Variants in TENM2 observed in about 807,000 individuals in gnomAD.
The protein encoded by TENM2 is teneurin transmembrane protein 2.
A neutral mutation model predicts 245.2 loss-of-function variants in TENM2; 52 were observed. That is an observed-to-expected ratio of 0.21 (90% CI 0.17 to 0.27). TENM2 has a LOEUF of 0.27. TENM2 is among the 10% of genes least tolerant of loss of function. TENM2 has a pLI of 1.00. For missense variants in TENM2, 3,046 were observed against 3,666.8 expected, an observed-to-expected ratio of 0.83 and a Z score of 4.37; for synonymous variants, 1,363 against 1,438.9, an observed-to-expected ratio of 0.95 and a Z score of 1.19.
intron 2 of TENM2, among the ~76,000 whole-genome samples, chr5:167,641,142 T>C (rs1779587253): frequency 6.6e-6 from 1 of 151,748 alleles, no homozygotes; most frequent in Non-Finnish European, 1.5e-5. Context: ...AAAATAACTT[T>C]TGTAATTAAT....
chr5:167,418,622 G>A (rs746125433), intron 2 of TENM2, among the ~76,000 whole-genome samples: 61 of 152,254 alleles, frequency 4.0e-4, no homozygotes, highest in South Asian at 4.1e-4. Context: ...GTGACCAACA[G>A]GAAGATATGG....
intron 2 of TENM2, among the ~76,000 whole-genome samples, chr5:167,669,362 A>G (rs190348822): frequency 7.7e-6 from 1 of 130,166 alleles, no homozygotes; most frequent in African/African-American, 3.1e-5. Context: ...TGGTGTATAT[A>G]GTTTTGTTCA....
At chr5:167,719,132 T>C (rs1759455227) in intron 2 of TENM2, among the ~76,000 whole-genome samples, 1 of 152,080 alleles carries the variant, frequency 6.6e-6, no homozygotes, top group South Asian at 2.1e-4. Context: ...CAAAGACAGG[T>C]TGGGAATGTA....
intron 2 of TENM2, among the ~76,000 whole-genome samples, chr5:167,847,272 C>T (rs1770134702): frequency 6.6e-6 from 1 of 152,184 alleles, no homozygotes; most frequent in African/African-American, 2.4e-5. Context: ...CTTTATCCCA[C>T]ATAAATGTCT....
the TENM2 span, among the ~76,000 whole-genome samples, chr5:167,090,400 A>G: frequency 2.0e-5 from 3 of 152,200 alleles, no homozygotes; most frequent in Admixed American, 2.0e-4. Context: ...AATTTCTATG[A>G]ATTGGGTAAC....
chr5:167,447,552 G>C (rs142397971), intron 2 of TENM2, among the ~76,000 whole-genome samples: 9 of 152,076 alleles, frequency 5.9e-5, no homozygotes, highest in African/African-American at 2.2e-4. Context: ...GATCTCTTAC[G>C]TGAGGCTCAG....
At chr5:168,201,343 C>A (rs1761924338) in intron 17 of TENM2, among the ~76,000 whole-genome samples, 1 of 151,466 alleles carries the variant, frequency 6.6e-6, no homozygotes, top group African/African-American at 2.4e-5. Flanking sequence ...TATATATGCA[C>A]ATATATATAC....
chr5:167,871,984 G>A (rs1374772337), intron 2 of TENM2, among the ~76,000 whole-genome samples: 1 of 152,048 alleles, frequency 6.6e-6, no homozygotes, highest in Non-Finnish European at 1.5e-5. Flanking sequence ...ATTAGCAAAT[G>A]ACATAGCAAA....
chr5:167,972,546 C>T (rs1781868092), intron 4 of TENM2, among the ~76,000 whole-genome samples: 1 of 152,122 alleles, frequency 6.6e-6, no homozygotes, highest in South Asian at 2.1e-4. Flanking sequence ...TCTTTCTTTG[C>T]ATACTTATAT....
At chr5:167,084,421 G>T in the TENM2 span, among the ~76,000 whole-genome samples, 2 of 132,566 alleles carry the variant, frequency 1.5e-5, no homozygotes, top group Non-Finnish European at 3.2e-5. Context: ...ACTAAATGTT[G>T]AAATTCAGTA....
At chr5:167,373,516 A>G (rs1465516081) in intron 1 of TENM2, among the ~76,000 whole-genome samples, 1 of 152,226 alleles carries the variant, frequency 6.6e-6, no homozygotes, top group Non-Finnish European at 1.5e-5. Context: ...ATTGTCATAA[A>G]TTGGTTAAAG....
At chr5:168,173,386 G>A (rs1053587438) in intron 13 of TENM2, among the ~76,000 whole-genome samples, 11 of 152,118 alleles carry the variant, frequency 7.2e-5, no homozygotes, top group Admixed American at 7.2e-4. Context: ...AGGAGAATGG[G>A]TGCCTGCCAC....
At chr5:167,357,245 A>T (rs1274615085) in intron 1 of TENM2, among the ~76,000 whole-genome samples, 1 of 151,946 alleles carries the variant, frequency 6.6e-6, no homozygotes, top group African/African-American at 2.4e-5. Flanking sequence ...GTCCACATGG[A>T]GCACAGAGCC....
intron 3 of TENM2, among the ~76,000 whole-genome samples, chr5:167,935,915 T>TC (rs1280909711): frequency 1.3e-5 from 2 of 152,074 alleles, no homozygotes; most frequent in African/African-American, 4.8e-5. Context: ...TTTCCCCAGC[T>TC]CATGTTCTGT....
chr5:167,929,109 G>GAAAGAA (rs1778061709), intron 3 of TENM2, among the ~76,000 whole-genome samples: 1 of 80,844 alleles, frequency 1.2e-5, no homozygotes, highest in African/African-American at 5.2e-5. Flanking sequence ...AAGAAAGAAA[G>GAAAGAA]AAAGAAAGAA....
At chr5:167,307,899 T>C (rs1260383233) in intron 1 of TENM2, 1 of 152,280 alleles carries the variant, frequency 6.6e-6, no homozygotes, top group Non-Finnish European at 1.5e-5. Flanking sequence ...CTCCTTTCCC[T>C]TCTCTGAACA....
intron 2 of TENM2, among the ~76,000 whole-genome samples, chr5:167,862,194 G>A (rs1450018402): frequency 1.3e-5 from 2 of 152,136 alleles, no homozygotes; most frequent in Admixed American, 1.3e-4. Flanking sequence ...GGCCAACAGT[G>A]CCCTGTGGAT....
intron 3 of TENM2, among the ~76,000 whole-genome samples, chr5:167,933,163 G>A (rs577378938): frequency 6.6e-6 from 1 of 152,332 alleles, no homozygotes; most frequent in African/African-American, 2.4e-5. Flanking sequence ...AAAGAAATTA[G>A]TTTCAAAAAC....
chr5:167,474,412 C>T (rs183499974), intron 2 of TENM2, among the ~76,000 whole-genome samples: 6 of 152,114 alleles, frequency 3.9e-5, no homozygotes, highest in Non-Finnish European at 8.8e-5. Flanking sequence ...CATTTTATTC[C>T]AATCCACAAG....
Sources: gnomAD v4.1 joint callset for allele counts (sites outside exome capture counted in the v4.1 genomes callset) on GRCh38, gnomAD v4.1.1 for gene constraint, MANE v1.5 for transcripts, NCBI Gene and HGNC (gene_info 2026-07-23, HGNC 2026-07-21) for gene names.